SORCS1: variants seen among roughly 807,000 people sequenced by gnomAD.
SORCS1 encodes the protein sortilin related VPS10 domain containing receptor 1, also known as VPS10 domain-containing receptor SorCS1.
Under a neutral mutation model 146.1 loss-of-function variants are expected in SORCS1, and 60 were observed. The observed-to-expected ratio is 0.41, with a 90% CI of 0.33 to 0.51. The LOEUF (loss-of-function observed/expected upper bound fraction) is 0.51. SORCS1 is among the 20% of genes least tolerant of loss of function. The probability of loss-of-function intolerance (pLI) is 0.21; values close to 1 mark genes in which losing one functional copy is unlikely to be tolerated. For missense variants in SORCS1, 1,352 were observed against 1,487.6 expected, an observed-to-expected ratio of 0.91 and a Z score of 1.50; for synonymous variants, 637 against 584.0, an observed-to-expected ratio of 1.09 and a Z score of -1.31.
intron 2 of SORCS1, among the ~76,000 whole-genome samples, chr10:106,953,373 A>T (rs1373388811): frequency 2.0e-5 from 3 of 152,152 alleles, no homozygotes; most frequent in Non-Finnish European, 4.4e-5. Flanking sequence ...ATAAAATATA[A>T]ATATTATGTA....
At chr10:107,162,371 A>C (rs1321979591) in intron 1 of SORCS1, among the ~76,000 whole-genome samples, 1 of 152,212 alleles carries the variant, frequency 6.6e-6, no homozygotes, top group Non-Finnish European at 1.5e-5. Flanking sequence ...AGCAGTGTGA[A>C]AGTTATTCAA....
At chr10:107,026,954 A>G (rs1011654452) in intron 1 of SORCS1, among the ~76,000 whole-genome samples, 1 of 151,208 alleles carries the variant, frequency 6.6e-6, no homozygotes, top group African/African-American at 2.4e-5. Context: ...CTTTAAAAAT[A>G]TGAATAAATC....
At chr10:107,103,674 A>G (rs1965105778) in intron 1 of SORCS1, among the ~76,000 whole-genome samples, 1 of 152,206 alleles carries the variant, frequency 6.6e-6, no homozygotes, top group Admixed American at 6.5e-5. Context: ...CTCAGTCCCC[A>G]AAGCATCTGT....
At chr10:106,620,364 C>T in intron 20 of SORCS1, 64 bp downstream of exon 20, 1 of 1,558,680 alleles carries the variant, frequency 6.4e-7, no homozygotes, top group Admixed American at 1.8e-5. Flanking sequence ...TTCATTCCCT[C>T]CTTTGCTTCA....
At chr10:106,764,510 C>T (rs764780684) in intron 4 of SORCS1, among the ~76,000 whole-genome samples, 9 of 152,178 alleles carry the variant, frequency 5.9e-5, no homozygotes, top group Non-Finnish European at 8.8e-5. Context: ...GATTTATTTC[C>T]CTCCCTGTCT....
At chr10:106,877,664 C>G (rs1950641707) in intron 2 of SORCS1, among the ~76,000 whole-genome samples, 1 of 152,088 alleles carries the variant, frequency 6.6e-6, no homozygotes, top group Non-Finnish European at 1.5e-5. Flanking sequence ...AGATTAGAAT[C>G]TGGGAATATG....
chr10:106,978,298 T>C (rs374233569), intron 1 of SORCS1, among the ~76,000 whole-genome samples: 1 of 152,080 alleles, frequency 6.6e-6, no homozygotes, highest in African/African-American at 2.4e-5. Context: ...TGTTAGAAAA[T>C]ATGACTGAAA....
intron 18 of SORCS1, among the ~76,000 whole-genome samples, chr10:106,651,199 T>G (rs1033541570): frequency 1.3e-5 from 2 of 152,200 alleles, no homozygotes; most frequent in African/African-American, 4.8e-5. Context: ...GATTTCAAAC[T>G]CGTTATTTCA....
intron 5 of SORCS1, among the ~76,000 whole-genome samples, chr10:106,746,611 G>A (rs1048068755): frequency 2.6e-5 from 4 of 152,150 alleles, no homozygotes; most frequent in African/African-American, 7.2e-5. Flanking sequence ...AAGTGTTAAG[G>A]TTGTTTTAGT....
chr10:106,979,133 G>GA (rs1956153429), intron 1 of SORCS1, among the ~76,000 whole-genome samples: 1 of 152,010 alleles, frequency 6.6e-6, no homozygotes, highest in South Asian at 2.1e-4. Flanking sequence ...GTTGTTCCAG[G>GA]AAAAAAGAGG....
intron 1 of SORCS1, among the ~76,000 whole-genome samples, chr10:106,995,796 A>C (rs183135278): frequency 3.7e-4 from 56 of 152,260 alleles, no homozygotes; most frequent in African/African-American, 1.1e-3. Context: ...TTAAAAAAAA[A>C]CAAAATCATG....
intron 8 of SORCS1, among the ~76,000 whole-genome samples, chr10:106,703,367 A>C (rs551777876): frequency 6.6e-6 from 1 of 152,198 alleles, no homozygotes; most frequent in Non-Finnish European, 1.5e-5. Context: ...TAATAATATT[A>C]CCTTGCTTTT....
In SORCS1 at chr10:106,829,642, G is replaced by T. The variant is rs200929353; in HGVS notation, c.658C>A (p.Leu220Met). 1.9e-6 allele frequency: 3 copies of T among 1,607,658 alleles called. No homozygotes were observed. In the Admixed American group the frequency reaches 5.0e-5, roughly 27 times the overall value. ...GTTTTCAAACCAACTTTATCATTCAGCTTCTCATAGGTTGTTCCATAATCG... is the reference window on the plus strand; with the variant it reads ...GTTTTCAAACCAACTTTATCATTCATCTTCTCATAGGTTGTTCCATAATCG... Reference protein sequence around the residue: ...STDYGTTYEKLNDKVGLKTIL... With the variant: ...STDYGTTYEKMNDKVGLKTIL... The change falls in exon 3 of 26, where the codon CTG becomes ATG. Residue 220 changes from leucine (L) to methionine (M), a missense_variant. This residue lies in a region of SORCS1 where 490 missense variants were observed against 489.1 expected (regional missense o/e 1.00). Coordinates refer to ENST00000263054, the MANE Select transcript of SORCS1 (RefSeq NM_052918.5).
intron 6 of SORCS1, among the ~76,000 whole-genome samples, chr10:106,724,789 C>A (rs1325458771): frequency 6.6e-6 from 1 of 152,226 alleles, no homozygotes; most frequent in Non-Finnish European, 1.5e-5. Context: ...GTCTCAGTAT[C>A]TTGACTACAA....
At chr10:106,627,068 G>A (rs982129323) in intron 19 of SORCS1, among the ~76,000 whole-genome samples, 25 of 152,268 alleles carry the variant, frequency 1.6e-4, no homozygotes, top group African/African-American at 4.1e-4. Context: ...AAGGGTTTCC[G>A]CAGCCCTTAA....
At chr10:106,703,401 G>T (rs988796962) in intron 8 of SORCS1, among the ~76,000 whole-genome samples, 7 of 151,940 alleles carry the variant, frequency 4.6e-5, no homozygotes, top group African/African-American at 1.7e-4. Context: ...CCTCCAAAAT[G>T]CTCAAAGCAC....
chr10:106,678,128 A>G (rs761488400), intron 12 of SORCS1, among the ~76,000 whole-genome samples: 7 of 152,208 alleles, frequency 4.6e-5, no homozygotes, highest in Non-Finnish European at 1.0e-4. Flanking sequence ...TTATTAGTGT[A>G]GCCTTGCCTG....
intron 9 of SORCS1, among the ~76,000 whole-genome samples, chr10:106,695,040 T>A (rs1275789346): frequency 6.6e-6 from 1 of 152,150 alleles, no homozygotes; most frequent in Non-Finnish European, 1.5e-5. Flanking sequence ...CAGCACATTT[T>A]TTTTTTGCTC....
chr10:106,706,207 A>AGAG (rs1564880082), intron 8 of SORCS1, among the ~76,000 whole-genome samples: 7 of 150,626 alleles, frequency 4.6e-5, no homozygotes, highest in Non-Finnish European at 8.8e-5. Context: ...AGAAAGAAAG[A>AGAG]AAAAAGAAAG....
Sources: allele counts gnomAD v4.1 joint callset (sites outside exome capture counted in the v4.1 genomes callset), GRCh38; gene constraint gnomAD v4.1.1; regional missense constraint gnomAD v4.1.1; transcripts MANE v1.5; gene names NCBI Gene and HGNC (gene_info 2026-07-23, HGNC 2026-07-21).